BRF1: variants seen among roughly 807,000 people sequenced by gnomAD.
The protein encoded by BRF1 is transcription factor IIIB 90 kDa subunit.
BRF1 carries 59 observed loss-of-function variants against 81.7 expected under a neutral mutation model. That is an observed-to-expected ratio of 0.72 (90% CI 0.59 to 0.90). The LOEUF (loss-of-function observed/expected upper bound fraction) is 0.90. BRF1 is among the 40% of genes least tolerant of loss of function. BRF1 has a pLI of 0.00. For synonymous variants in BRF1, 491 were observed against 395.6 expected (o/e 1.24, Z -2.86); for missense variants, 1,050 against 936.3 (o/e 1.12, Z -1.58).
chr14:105,217,741 G>A lies in BRF1; in HGVS notation c.1575C>T (p.Ile525=), dbSNP rs1401661546. The part of the protein sequence containing the change: ...PIQASTAREA[I]EKMLEQKKIS... ...TCTTCTTCTGCTCCAGCATCTTCTC[G>A]ATGGCCTCCCTGGCGGTACTGGCCT... The change falls in exon 15 of 18, where the codon ATC becomes ATT. Residue 525 remains isoleucine (I), a synonymous_variant. Coordinates refer to ENST00000547530, the MANE Select transcript of BRF1 (RefSeq NM_001519.4). 5.6e-6 allele frequency: 9 copies of A among 1,613,408 alleles called. No individual in the cohort carries two copies. Among genetic ancestry groups the A allele is most frequent in the East Asian group, 2.2e-5 (1 of 44,880 alleles).
Position 105,271,398 on chromosome 14 carries a change from G to A in BRF1, c.439+1323C>T, listed in dbSNP as rs2056648487. Reference sequence around the variant, plus strand: ...CCAGAGGGCCACAGAACTGCCCAGTGAGAATGCTGGAGGCAAGGCGACGGC... The same window carrying A: ...CCAGAGGGCCACAGAACTGCCCAGTAAGAATGCTGGAGGCAAGGCGACGGC... On this transcript the variant is annotated intron_variant, in intron 3 of 17. Transcript: ENST00000547530. This position sits in a 1 kb window ranked among gnomAD's most constrained non-coding sequence, Gnocchi z 5.5. 6.6e-6 allele frequency among the ~76,000 whole-genome samples: 1 copy of A among 152,272 alleles called. No homozygotes were observed. Among genetic ancestry groups the A allele is most frequent in the Non-Finnish European group, 1.5e-5 (1 of 68,048 alleles).
At position 105,219,248 on chromosome 14, in the gene BRF1, G is replaced by T. The variant is rs368349004; in HGVS notation, c.1378-16C>A. 9.3e-6 allele frequency: 15 copies of T among 1,608,856 alleles called. No homozygotes were observed. The African/African-American group carries it at 1.2e-4, about 13-fold the overall frequency. ...TCAGGATGTACTGGGCGAGCACAGG[G>T]AAGTGGGGCTGGCTTTTAGCCTTCG... On this transcript the variant is annotated splice_polypyrimidine_tract_variant and intron_variant, in intron 12 of 17. Coordinates refer to ENST00000547530, the MANE Select transcript of BRF1 (RefSeq NM_001519.4).
rs781342971 is a variant in BRF1 at position 105,221,723 on chromosome 14, G to A, written c.1240C>T (p.Pro414Ser). 2.0e-5 allele frequency: 33 copies of A among 1,610,328 alleles called. No individual in the cohort carries two copies. The highest frequency in any genetic ancestry group is 2.5e-6 in the Non-Finnish European group (3 of 1,179,544). ...CCCAGGCTGGCTGCAGTGGGGAGGG[G>A]GTCCAGCAGGGACCCCAGGGCCGGA... ...RPPALGSLLDPLPTAASLGIS... is the reference protein window; with the variant it reads ...RPPALGSLLDSLPTAASLGIS... Residue 414 changes from proline to serine, a missense_variant, in exon 11 of 18, where the codon CCC (proline) becomes TCC (serine). Transcript: ENST00000547530.
At position 105,228,887 on chromosome 14, in the gene BRF1, C is replaced by A. The variant is rs1405996666; in HGVS notation, c.721G>T (p.Asp241Tyr). ...ACCTCCTTCACAGTCCTCCTGAAGT[C>A]ATGCATTCTGGCTGCAACCAGGAGC... ...AALLVAARMH[D>Y]FRRTVKEVIS... Residue 241 changes from aspartate (D) to tyrosine (Y), a missense_variant, in exon 7 of 18, where the codon GAC becomes TAC. Transcript: ENST00000547530. The A allele has an allele frequency of 6.2e-7, 1 of 1,613,804 alleles. No homozygotes were observed. The highest frequency in any genetic ancestry group is 1.7e-5 in the Admixed American group (1 of 60,030).
At chr14:105,264,730 A>G (rs2056322574) in intron 3 of BRF1, among the ~76,000 whole-genome samples, 1 of 151,058 alleles carries the variant, frequency 6.6e-6, no homozygotes, top group African/African-American at 2.4e-5. Context: ...AGTCCCAACT[A>G]CTATGGAGGC....
intron 1 of BRF1, among the ~76,000 whole-genome samples, chr14:105,290,619 A>G (rs982766403): frequency 7.2e-5 from 11 of 151,750 alleles, no homozygotes; most frequent in African/African-American, 2.4e-4. Flanking sequence ...CAATCTCTTC[A>G]CTCCTTGACC....
Position 105,286,282 on chromosome 14 carries a change from G to A in BRF1, c.265+14C>T, listed in dbSNP as rs587770212. On this transcript the variant is annotated intron_variant, in intron 2 of 17. Transcript: ENST00000547530. ...ACCCGCCGCACGCTCAGCAGCATCCGCGGTGGGAAATACCATTCTGCAGGG... is the reference window on the plus strand; with the variant it reads ...ACCCGCCGCACGCTCAGCAGCATCCACGGTGGGAAATACCATTCTGCAGGG... 9.9e-6 allele frequency: 16 copies of A among 1,610,136 alleles called. No homozygotes were observed. The highest frequency in any genetic ancestry group is 6.7e-5 in the South Asian group (6 of 90,062).
Position 105,315,188 on chromosome 14 carries a change from C to A in BRF1, c.-162+134G>T, listed in dbSNP as rs1314227367. On this transcript the variant is annotated intron_variant, in intron 1 of 17. Transcript: ENST00000327359. This position sits in a 1 kb window ranked among gnomAD's most constrained non-coding sequence, Gnocchi z 4.4. ...CGCCCGCCGGTTCGACGCGTGCAGC[C>A]GCCGCCCCCCCGCAGCTCCGGCAAG... The A allele has an allele frequency of 1.7e-5, 5 of 299,900 alleles. No homozygotes were observed. Among genetic ancestry groups the A allele is most frequent in the East Asian group, 1.4e-4 (1 of 7,278 alleles). 18.6% of individuals were successfully genotyped at this position (299,900 alleles called of 1,614,324 possible). A position where few individuals can be genotyped will look rare whatever the true frequency, so the allele number is the denominator to read the frequency against.
intron 6 of BRF1, 101 bp downstream of exon 6, chr14:105,241,164 C>T: frequency 2.6e-6 from 4 of 1,531,438 alleles, no homozygotes; most frequent in Admixed American, 3.6e-5. Flanking sequence ...GCTCTCAGTG[C>T]TCTGCAAACA....
intron 5 of BRF1, chr14:105,249,841 G>C: frequency 6.2e-7 from 1 of 1,613,338 alleles, no homozygotes; most frequent in African/African-American, 1.3e-5. Context: ...GCTGCTGGGA[G>C]GTCATTGACG....
rs1404659359 is a variant in BRF1 at position 105,284,754 on chromosome 14, A to G, written c.265+1542T>C. Among the ~76,000 whole-genome samples, 1 of 152,210 alleles carries G rather than the reference A, an allele frequency of 6.6e-6. No individual in the cohort carries two copies. The highest frequency in any genetic ancestry group is 1.9e-4 in the East Asian group (1 of 5,198). ...CTTCCCCAGGATCAAGGACAAGAGG[A>G]TGTCTGTTCACACCACTGCTATTCA... On this transcript the variant is annotated intron_variant, in intron 2 of 17. Transcript: ENST00000547530. The surrounding 1 kb of genome is among the most constrained non-coding windows in gnomAD (Gnocchi z 4.0).
Position 105,272,212 on chromosome 14 carries a change from G to A in BRF1, c.439+509C>T, listed in dbSNP as rs2816630. ...GAGGGTCGGCGGCCTCCCCACCCAC[G>A]GCCTGCAGTCACGGTATCCACGCAC... On this transcript the variant is annotated intron_variant, in intron 3 of 17. Transcript: ENST00000547530. 9.5e-5 allele frequency among the ~76,000 whole-genome samples: 6 copies of A among 62,882 alleles called. 2 individuals are homozygous for A. Among genetic ancestry groups the A allele is most frequent in the African/African-American group, 1.1e-4 (2 of 18,304 alleles). The allele number at this position is 62,882 out of a possible 152,430, so 41.3% of individuals were successfully genotyped here. A position where few individuals can be genotyped will look rare whatever the true frequency, so the allele number is the denominator to read the frequency against.
intron 5 of BRF1, chr14:105,248,774 G>A: frequency 1.0e-6 from 1 of 981,790 alleles, no homozygotes; most frequent in Non-Finnish European, 1.2e-6. Context: ...CCTTGCTTTT[G>A]CTTGCAGAGC....
At chr14:105,286,244 C>G (rs1337256773) in intron 2 of BRF1, 52 bp downstream of exon 2, 1 of 1,556,300 alleles carries the variant, frequency 6.4e-7, no homozygotes, top group Non-Finnish European at 8.7e-7. Context: ...GCACCACCAT[C>G]CCCATCTCTG....
chr14:105,263,106 G>A (rs1034790843), intron 3 of BRF1, among the ~76,000 whole-genome samples: 3 of 151,718 alleles, frequency 2.0e-5, no homozygotes, highest in South Asian at 2.1e-4. Context: ...GCATGGTGGT[G>A]GGCACCTATA....
intron 1 of BRF1, among the ~76,000 whole-genome samples, chr14:105,296,930 G>A (rs2057771942): frequency 6.6e-6 from 1 of 152,090 alleles, no homozygotes; most frequent in Non-Finnish European, 1.5e-5. Flanking sequence ...CTGAAGTGGG[G>A]GGGGATCACT....
In BRF1 at chr14:105,228,845, CTT is replaced by C; in HGVS notation, c.761_762del (p.Lys254SerfsTer3). ...RTVKEVISVV[K>X]VCESTLRKRL... is the part of the protein sequence containing the mutation. ...CTCTTCCGCAGCGTGGACTCACACA[CTT>C]TGACCACACTGATGACCTCCTTCAC... On this transcript the variant is annotated frameshift_variant, in exon 7 of 18. Transcript: ENST00000547530. LOFTEE classifies it high-confidence loss of function. The C allele has an allele frequency of 6.2e-7, 1 of 1,613,950 alleles. No homozygotes were observed. Among genetic ancestry groups the C allele is most frequent in the East Asian group, 2.2e-5 (1 of 44,878 alleles).
At chr14:105,249,000 C>T (rs1203623519) in intron 5 of BRF1, 6 of 1,024,908 alleles carry the variant, frequency 5.9e-6, no homozygotes, top group Non-Finnish European at 7.0e-6. Flanking sequence ...AGCGCCGCCG[C>T]CGCCCGCGCC....
intron 1 of BRF1, among the ~76,000 whole-genome samples, chr14:105,295,264 C>T (rs965025724): frequency 1.5e-5 from 2 of 133,060 alleles, no homozygotes; most frequent in Non-Finnish European, 3.0e-5. Flanking sequence ...GTCAGAAGTT[C>T]GAGACCAGCC....
Sources: gnomAD v4.1 joint callset for allele counts (sites outside exome capture counted in the v4.1 genomes callset) on GRCh38, gnomAD v4.1.1 for gene constraint, Gnocchi (gnomAD v3.1) non-coding constraint, MANE v1.5 for transcripts, NCBI Gene and HGNC (gene_info 2026-07-23, HGNC 2026-07-21) for gene names.